The following DPP6 variants were observed in gnomAD, a reference collection of about 807,000 sequenced individuals.
DPP6 encodes the protein dipeptidyl peptidase like 6.
A neutral mutation model predicts 122.6 loss-of-function variants in DPP6; 69 were observed. The observed-to-expected ratio is 0.56, with a 90% CI of 0.46 to 0.69. The LOEUF (loss-of-function observed/expected upper bound fraction) is 0.69. Ranked by LOEUF, DPP6 falls within the 30% of genes least tolerant of loss-of-function variation. The probability of loss-of-function intolerance (pLI) is 0.00; values close to 1 mark genes in which losing one functional copy is unlikely to be tolerated. For synonymous variants in DPP6, 418 were observed against 433.1 expected, an observed-to-expected ratio of 0.97 and a Z score of 0.43; for missense variants, 928 against 1,116.9, an observed-to-expected ratio of 0.83 and a Z score of 2.41.
At chr7:154,011,479 T>C (rs1188649492) in intron 1 of DPP6, among the ~76,000 whole-genome samples, 2 of 152,194 alleles carry the variant, frequency 1.3e-5, no homozygotes, top group African/African-American at 2.4e-5. Flanking sequence ...TACAAAAAAT[T>C]CATCATTTTA....
At chr7:154,686,511 T>A (rs576552892) in intron 7 of DPP6, among the ~76,000 whole-genome samples, 1 of 152,106 alleles carries the variant, frequency 6.6e-6, no homozygotes, top group Non-Finnish European at 1.5e-5. Context: ...CACTGAGCAT[T>A]CTCAAAGGGA....
At chr7:154,769,353 T>A in intron 8 of DPP6, 64 bp from the exon 9 acceptor site, 1 of 1,601,476 alleles carries the variant, frequency 6.2e-7, no homozygotes, top group Non-Finnish European at 8.5e-7. Flanking sequence ...ATGTTCCTGC[T>A]GGTGCAGCTC....
At chr7:153,749,446 C>T in the DPP6 span, among the ~76,000 whole-genome samples, 1 of 152,078 alleles carries the variant, frequency 6.6e-6, no homozygotes, top group Non-Finnish European at 1.5e-5. This position sits in a 1 kb window ranked among gnomAD's most constrained non-coding sequence, Gnocchi z 4.1. Flanking sequence ...GCGCGGGGCT[C>T]TCCCGCGGGC....
chr7:154,102,394 G>A (rs1805807524), intron 1 of DPP6, among the ~76,000 whole-genome samples: 1 of 152,028 alleles, frequency 6.6e-6, no homozygotes, highest in Admixed American at 6.6e-5. Flanking sequence ...TCACCATGTT[G>A]GCCAGGCTGG....
intron 7 of DPP6, among the ~76,000 whole-genome samples, chr7:154,671,538 G>A (rs1399959452): frequency 2.6e-5 from 4 of 152,088 alleles, no homozygotes; most frequent in South Asian, 2.1e-4. Context: ...CAAATAAACC[G>A]GGTCCCGTAG....
At chr7:154,239,668 A>G (rs1343051750) in intron 1 of DPP6, among the ~76,000 whole-genome samples, 1 of 152,044 alleles carries the variant, frequency 6.6e-6, no homozygotes, top group African/African-American at 2.4e-5. Context: ...TGTTGTGGTG[A>G]ATCAAAAGTT....
intron 1 of DPP6, among the ~76,000 whole-genome samples, chr7:153,942,544 GGA>G (rs1472564671): frequency 2.0e-5 from 3 of 152,164 alleles, no homozygotes; most frequent in Non-Finnish European, 4.4e-5. Flanking sequence ...GTAATGGGGA[GGA>G]GAGAGGGCAG....
At chr7:154,827,134 A>G (rs1050476977) in intron 16 of DPP6, among the ~76,000 whole-genome samples, 2 of 151,538 alleles carry the variant, frequency 1.3e-5, no homozygotes, top group African/African-American at 4.8e-5. Flanking sequence ...AATATAAACT[A>G]TTTTTAAATC....
chr7:154,061,983 T>C (rs1802022241), intron 1 of DPP6, among the ~76,000 whole-genome samples: 1 of 119,478 alleles, frequency 8.4e-6, no homozygotes, highest in Non-Finnish European at 1.8e-5. Context: ...CTATCCCCTC[T>C]TCCGCCCCTG....
intron 1 of DPP6, among the ~76,000 whole-genome samples, chr7:154,180,435 A>G (rs1447322638): frequency 6.9e-6 from 1 of 145,900 alleles, no homozygotes; most frequent in Non-Finnish European, 1.5e-5. Context: ...TATATAATAT[A>G]TATACACATT....
chr7:154,554,223 G>A (rs1829855457), intron 4 of DPP6, among the ~76,000 whole-genome samples: 1 of 152,142 alleles, frequency 6.6e-6, no homozygotes, highest in Non-Finnish European at 1.5e-5. Flanking sequence ...CATTGACCAG[G>A]AAGGGAGAAT....
intron 21 of DPP6, chr7:154,884,761 TCA>T (rs560910713): frequency 4.7e-5 from 7 of 150,348 alleles, no homozygotes; most frequent in Non-Finnish European, 7.4e-5. Context: ...TCATACATGC[TCA>T]CACAGGCATA....
chr7:154,078,454 T>C (rs951805994), intron 1 of DPP6, among the ~76,000 whole-genome samples: 2 of 151,942 alleles, frequency 1.3e-5, no homozygotes, highest in African/African-American at 4.8e-5. Context: ...GATTCCAAAA[T>C]GTCAGAAAAT....
chr7:154,128,845 G>A (rs1482343860), intron 1 of DPP6, among the ~76,000 whole-genome samples: 2 of 148,922 alleles, frequency 1.3e-5, no homozygotes, highest in African/African-American at 4.9e-5. Flanking sequence ...CTGACCCTGG[G>A]AGGTATAACT....
intron 1 of DPP6, among the ~76,000 whole-genome samples, chr7:154,319,806 C>G (rs901270195): frequency 6.6e-6 from 1 of 151,604 alleles, no homozygotes; most frequent in African/African-American, 2.4e-5. Flanking sequence ...TCCTGGCCAA[C>G]ATGGCGAAAC....
At chr7:154,066,294 A>G (rs1414094042) in intron 1 of DPP6, among the ~76,000 whole-genome samples, 1 of 152,152 alleles carries the variant, frequency 6.6e-6, no homozygotes, top group Non-Finnish European at 1.5e-5. Flanking sequence ...TCCTGGCCTC[A>G]GGTGATCTGC....
chr7:153,952,716 TA>T (rs1009275703), intron 1 of DPP6, among the ~76,000 whole-genome samples: 1 of 152,220 alleles, frequency 6.6e-6, no homozygotes, highest in African/African-American at 2.4e-5. Context: ...CTTATCTTAT[TA>T]ATAGTTCATA....
chr7:154,189,678 C>G (rs969681907), intron 1 of DPP6, among the ~76,000 whole-genome samples: 3 of 152,126 alleles, frequency 2.0e-5, no homozygotes, highest in Non-Finnish European at 4.4e-5. Context: ...AGCCAGTTCT[C>G]CCTTCCCTCT....
intron 1 of DPP6, among the ~76,000 whole-genome samples, chr7:154,015,033 T>C (rs529307283): frequency 3.9e-5 from 6 of 152,216 alleles, no homozygotes; most frequent in Admixed American, 1.3e-4. Flanking sequence ...AACTGTTTTC[T>C]CATTGACGTA....
Sources: allele counts gnomAD v4.1 joint callset (sites outside exome capture counted in the v4.1 genomes callset), GRCh38; gene constraint gnomAD v4.1.1; non-coding constraint Gnocchi (gnomAD v3.1); transcripts MANE v1.5; gene names NCBI Gene and HGNC (gene_info 2026-07-23, HGNC 2026-07-21).